Variants in DOCK2 observed in about 807,000 individuals in gnomAD.
DOCK2 encodes dedicator of cytokinesis protein 2.
DOCK2 carries 87 observed loss-of-function variants against 248.9 expected under a neutral mutation model. The observed-to-expected ratio is 0.35, with a 90% CI of 0.29 to 0.42. DOCK2 has a LOEUF of 0.42. Among genes scored for constraint, DOCK2 ranks in the 10% least tolerant of loss-of-function variants. The pLI is 1.00. For missense variants in DOCK2, 1,747 were observed against 2,300.2 expected (o/e 0.76, Z 4.92); for synonymous variants, 805 against 821.6 (o/e 0.98, Z 0.35).
At chr5:170,017,277 A>G (rs1361963707) in intron 32 of DOCK2, among the ~76,000 whole-genome samples, 1 of 152,168 alleles carries the variant, frequency 6.6e-6, no homozygotes, top group Non-Finnish European at 1.5e-5. Flanking sequence ...GGCGAAGACC[A>G]CAAATGTTCA....
intron 27 of DOCK2, among the ~76,000 whole-genome samples, chr5:169,850,495 G>A (rs1770564996): frequency 6.6e-6 from 1 of 152,160 alleles, no homozygotes; most frequent in African/African-American, 2.4e-5. Flanking sequence ...GTGTGTATGT[G>A]TATGTGTGTT....
chr5:169,986,165 C>A (rs1320481073), intron 29 of DOCK2, among the ~76,000 whole-genome samples: 1 of 152,148 alleles, frequency 6.6e-6, no homozygotes, highest in Non-Finnish European at 1.5e-5. Flanking sequence ...ATCTCTGAAG[C>A]CTTTCGTTCA....
chr5:170,012,119 TA>T (rs1242342563), intron 32 of DOCK2, among the ~76,000 whole-genome samples: 1 of 152,232 alleles, frequency 6.6e-6, no homozygotes, highest in African/African-American at 2.4e-5. Context: ...GAATTGAGGC[TA>T]AAAGAGCCTG....
intron 15 of DOCK2, among the ~76,000 whole-genome samples, chr5:169,709,956 A>AT (rs958398346): frequency 6.6e-6 from 1 of 152,186 alleles, no homozygotes; most frequent in Non-Finnish European, 1.5e-5. Flanking sequence ...TGGGGCTAGG[A>AT]TTCTGTTGAA....
At position 169,957,652 on chromosome 5, in the gene DOCK2, C is replaced by T. The variant is rs188978346; in HGVS notation, c.2800-25416C>T. On this transcript the variant is annotated intron_variant, in intron 27 of 51. Transcript: ENST00000520908. ...GTAATGAGACACTAGAGGCAATGCG[C>T]GAGGAAGCCTCAGGAATATTTGGAA... 3.4e-3 allele frequency among the ~76,000 whole-genome samples: 511 copies of T among 152,238 alleles called. 2 individuals carry two copies. The highest frequency in any genetic ancestry group is 6.0e-3 in the Non-Finnish European group (410 of 67,998).
At position 169,689,210 on chromosome 5, in the gene DOCK2, A is replaced by C. The variant is rs758194097; in HGVS notation, c.762-42A>C. ...TGAATGTTTTGACTAAATGGATGTC[A>C]GGTCCCTTGGCAGTAACGGGCTGCC... On this transcript the variant is annotated intron_variant, in intron 8 of 51. Transcript: ENST00000520908. 11 of 1,595,030 alleles carry C rather than the reference A, an allele frequency of 6.9e-6. No individual in the cohort carries two copies. The Admixed American group carries it at 1.8e-4, about 27-fold the overall frequency.
intron 27 of DOCK2, 41 bp downstream of exon 27, chr5:169,840,893 T>TA (rs1490712284): frequency 6.3e-7 from 1 of 1,594,766 alleles, no homozygotes; most frequent in African/African-American, 1.3e-5. Context: ...TGCAAGCTCT[T>TA]CAGCATCTAA....
intron 27 of DOCK2, among the ~76,000 whole-genome samples, chr5:169,982,385 T>C (rs1777966355): frequency 6.6e-6 from 1 of 152,180 alleles, no homozygotes; most frequent in Admixed American, 6.5e-5. Flanking sequence ...AAGGGTGTGG[T>C]TCCTCCTCTG....
intron 26 of DOCK2, among the ~76,000 whole-genome samples, chr5:169,805,824 G>C (rs1435504999): frequency 6.6e-6 from 1 of 152,232 alleles, no homozygotes; most frequent in African/African-American, 2.4e-5. Flanking sequence ...GTGGCATCTG[G>C]ACTTGAGGTG....
intron 2 of DOCK2, among the ~76,000 whole-genome samples, chr5:169,656,677 G>T (rs529706148): frequency 6.6e-6 from 1 of 152,222 alleles, no homozygotes; most frequent in Admixed American, 6.5e-5. Flanking sequence ...CCAAAACAAT[G>T]ACAAGGCCTT....
At position 170,008,319 on chromosome 5, in the gene DOCK2, C is replaced by T. The variant is rs564560949; in HGVS notation, c.3073-178C>T. On this transcript the variant is annotated intron_variant, in intron 30 of 51. Coordinates refer to ENST00000520908, the MANE Select transcript of DOCK2 (RefSeq NM_004946.3). ...CCTAGAGAAATCCATCCATTGTCCT[C>T]ACTTTGGCCAGGATGTTAATTTCAG... Among the ~76,000 whole-genome samples, 3 of 152,216 alleles carry T rather than the reference C, an allele frequency of 2.0e-5. 1 individual carries two copies. Among genetic ancestry groups the T allele is most frequent in the African/African-American group, 7.2e-5 (3 of 41,532 alleles).
intron 27 of DOCK2, among the ~76,000 whole-genome samples, chr5:169,946,860 A>G (rs889915766): frequency 2.0e-5 from 3 of 152,198 alleles, no homozygotes; most frequent in African/African-American, 7.2e-5. Context: ...CTGGACCTGA[A>G]TATCGAGATG....
At chr5:169,811,817 G>T (rs113011716) in intron 26 of DOCK2, among the ~76,000 whole-genome samples, 1 of 150,510 alleles carries the variant, frequency 6.6e-6, no homozygotes, top group Non-Finnish European at 1.5e-5. Context: ...CAGGCACCAC[G>T]TTACCTCCCC....
At chr5:169,941,662 C>T (rs1776252373) in intron 27 of DOCK2, among the ~76,000 whole-genome samples, 1 of 152,172 alleles carries the variant, frequency 6.6e-6, no homozygotes, top group African/African-American at 2.4e-5. Flanking sequence ...GACGGCTCCT[C>T]CAGCAGGGTA....
chr5:169,793,758 A>G (rs755998986), intron 25 of DOCK2, among the ~76,000 whole-genome samples: 3 of 152,104 alleles, frequency 2.0e-5, no homozygotes, highest in African/African-American at 4.8e-5. Context: ...ATCATCTCAC[A>G]TTAAACCCCT....
At chr5:169,837,828 T>C (rs376069289) in intron 26 of DOCK2, among the ~76,000 whole-genome samples, 294 of 152,084 alleles carry the variant, frequency 1.9e-3, no homozygotes, top group African/African-American at 6.7e-3. Flanking sequence ...CAGAGTGAAA[T>C]GAATTGAATT....
chr5:169,653,902 G>C (rs753178752), intron 1 of DOCK2, among the ~76,000 whole-genome samples: 1 of 152,146 alleles, frequency 6.6e-6, no homozygotes, highest in South Asian at 2.1e-4. Flanking sequence ...GATCCCTGGG[G>C]TGCCTGAGCT....
chr5:169,718,129 T>C (rs1203723434), intron 21 of DOCK2, among the ~76,000 whole-genome samples: 1 of 152,052 alleles, frequency 6.6e-6, no homozygotes, highest in Non-Finnish European at 1.5e-5. Context: ...ACATGCCAAG[T>C]AGCTCAGTCT....
At position 169,835,642 on chromosome 5, in the gene DOCK2, T is replaced by C. The variant is rs373693029; in HGVS notation, c.2704-5115T>C. The stretch of plus-strand genomic sequence containing the variant: ...AAAAAAGAAGTACCAAAGCATATTA[T>C]TGGCATCATGTTCATAAATGCCAAA... On this transcript the variant is annotated intron_variant, in intron 26 of 51. Transcript: ENST00000520908. 1.1e-4 allele frequency among the ~76,000 whole-genome samples: 17 copies of C among 152,310 alleles called. No individual in the cohort carries two copies. The South Asian group carries it at 1.5e-3, about 13-fold the overall frequency.
Sources: allele counts gnomAD v4.1 joint callset (sites outside exome capture counted in the v4.1 genomes callset), GRCh38; gene constraint gnomAD v4.1.1; transcripts MANE v1.5; gene names NCBI Gene and HGNC (gene_info 2026-07-23, HGNC 2026-07-21).